LEF1: variants seen among roughly 807,000 people sequenced by gnomAD.
LEF1 encodes the protein lymphoid enhancer binding factor 1, also known as lymphoid enhancer-binding factor 1.
In LEF1, 14 loss-of-function variants were observed where a neutral mutation model predicts 51.2. The ratio of observed to expected loss-of-function variants is 0.27; its 90% CI spans 0.18 to 0.43. The LOEUF (loss-of-function observed/expected upper bound fraction) is 0.43. Among genes scored for constraint, LEF1 ranks in the 20% least tolerant of loss-of-function variants. LEF1 has a pLI of 1.00. For synonymous variants in LEF1, 185 were observed against 183.2 expected, an observed-to-expected ratio of 1.01 and a Z score of -0.08; for missense variants, 386 against 512.0, an observed-to-expected ratio of 0.75 and a Z score of 2.37.
chr4:108,088,926 T>A (rs1739826618), intron 4 of LEF1, among the ~76,000 whole-genome samples, 199 bp downstream of exon 4: 1 of 152,202 alleles, frequency 6.6e-6, no homozygotes, highest in African/African-American at 2.4e-5. Context: ...TTCTGCTTTT[T>A]AATAATGCAT....
chr4:108,073,276 T>C (rs1310988508), intron 8 of LEF1, among the ~76,000 whole-genome samples: 1 of 152,112 alleles, frequency 6.6e-6, no homozygotes, highest in African/African-American at 2.4e-5. Context: ...TCCCAGCTAC[T>C]CAGGAGGCTG....
At chr4:108,154,008 C>T (rs1223658432) in intron 3 of LEF1, among the ~76,000 whole-genome samples, 1 of 152,074 alleles carries the variant, frequency 6.6e-6, no homozygotes, top group South Asian at 2.1e-4. Context: ...AAAAAGTGAT[C>T]GTCTTTAACA....
At chr4:108,160,460 C>G (rs1043597320) in intron 3 of LEF1, among the ~76,000 whole-genome samples, 1 of 152,148 alleles carries the variant, frequency 6.6e-6, no homozygotes, top group Non-Finnish European at 1.5e-5. Flanking sequence ...CCTAAGAACT[C>G]ACGCTGACAC....
At chr4:108,117,920 A>T (rs901534370) in intron 3 of LEF1, among the ~76,000 whole-genome samples, 1 of 152,242 alleles carries the variant, frequency 6.6e-6, no homozygotes, top group Non-Finnish European at 1.5e-5. Flanking sequence ...ATAACTTAAT[A>T]TTAGCAGTGA....
chr4:108,145,817 G>C (rs752886532), intron 3 of LEF1, among the ~76,000 whole-genome samples: 3 of 152,176 alleles, frequency 2.0e-5, no homozygotes, highest in Non-Finnish European at 2.9e-5. Flanking sequence ...GTTAGTAGTT[G>C]CTTGGGCCTG....
intron 3 of LEF1, among the ~76,000 whole-genome samples, chr4:108,141,453 T>C (rs1743645571): frequency 6.6e-6 from 1 of 152,248 alleles, no homozygotes; most frequent in African/African-American, 2.4e-5. Flanking sequence ...TCCAGTGTTC[T>C]CTGCTCCCCG....
At chr4:108,061,506 G>A (rs1737691094) in intron 11 of LEF1, among the ~76,000 whole-genome samples, 1 of 152,102 alleles carries the variant, frequency 6.6e-6, no homozygotes, top group African/African-American at 2.4e-5. Context: ...ACAGATTTTG[G>A]TGCAAACAGA....
intron 9 of LEF1, among the ~76,000 whole-genome samples, chr4:108,068,254 C>T (rs1336610862): frequency 2.0e-5 from 3 of 151,818 alleles, no homozygotes; most frequent in Non-Finnish European, 2.9e-5. Context: ...GCAACAAGAG[C>T]GAATCTCTGT....
intron 3 of LEF1, among the ~76,000 whole-genome samples, chr4:108,094,173 G>A (rs953432849): frequency 2.0e-5 from 3 of 152,220 alleles, no homozygotes; most frequent in Non-Finnish European, 4.4e-5. Context: ...ACACCTGAGA[G>A]CATGTGACAT....
chr4:108,156,759 T>C (rs1744727457), intron 3 of LEF1, among the ~76,000 whole-genome samples: 1 of 151,906 alleles, frequency 6.6e-6, no homozygotes, highest in Non-Finnish European at 1.5e-5. Flanking sequence ...AAAAATATCT[T>C]AGTAAAAACG....
chr4:108,048,948 T>C (rs1348071536), intron 11 of LEF1, among the ~76,000 whole-genome samples, 197 bp from the exon 12 acceptor site: 1 of 152,228 alleles, frequency 6.6e-6, no homozygotes, highest in Non-Finnish European at 1.5e-5. Flanking sequence ...TATAGTGACA[T>C]TTTTACTTTG....
chr4:108,138,402 T>G (rs994222799), intron 3 of LEF1, among the ~76,000 whole-genome samples: 6 of 152,208 alleles, frequency 3.9e-5, no homozygotes, highest in African/African-American at 7.2e-5. Context: ...AAGTGAGCAT[T>G]ATAATGCTTT....
At chr4:108,058,848 C>T (rs1211673471) in intron 11 of LEF1, among the ~76,000 whole-genome samples, 4 of 152,160 alleles carry the variant, frequency 2.6e-5, no homozygotes, top group South Asian at 2.1e-4. Flanking sequence ...TAAATGTTTG[C>T]GTGGTGAGTA....
intron 4 of LEF1, among the ~76,000 whole-genome samples, chr4:108,086,274 C>T (rs1178361441): frequency 6.6e-6 from 1 of 151,860 alleles, no homozygotes; most frequent in African/African-American, 2.4e-5. Flanking sequence ...TTTTTTAGAG[C>T]TGAGGGGGTC....
intron 3 of LEF1, among the ~76,000 whole-genome samples, chr4:108,098,638 C>T (rs1236300353): frequency 2.6e-5 from 4 of 152,086 alleles, no homozygotes; most frequent in Non-Finnish European, 4.4e-5. Context: ...AATTTTGTCC[C>T]ACCGAGCCTT....
chr4:108,134,411 A>G (rs6533354), intron 3 of LEF1, among the ~76,000 whole-genome samples: 132,555 of 152,208 alleles, frequency 0.87, 58,278 homozygotes, highest in East Asian at 0.96. Context: ...GAGGGCTAGA[A>G]TAGGGCTCTA....
chr4:108,058,734 T>C (rs1375385794), intron 11 of LEF1, among the ~76,000 whole-genome samples: 1 of 152,220 alleles, frequency 6.6e-6, no homozygotes, highest in East Asian at 1.9e-4. Flanking sequence ...CCACTTAATA[T>C]GTCTATATCT....
In LEF1 at chr4:108,145,340, T is replaced by G. The variant is rs189205848; in HGVS notation, c.414+18228A>C. On this transcript the variant is annotated intron_variant, in intron 3 of 11. Transcript: ENST00000265165. Reference sequence around the variant, plus strand: ...AAGAGCTTGCATTAAAGCTAAAATCTGTAATGACACTGGACAAGACTTGTC... The same window carrying G: ...AAGAGCTTGCATTAAAGCTAAAATCGGTAATGACACTGGACAAGACTTGTC... Among the ~76,000 whole-genome samples the G allele has an allele frequency of 1.1e-4, 16 of 152,310 alleles. No homozygotes were observed. The East Asian group carries it at 2.9e-3, about 28-fold the overall frequency.
At chr4:108,076,771 G>A (rs949291999) in intron 8 of LEF1, among the ~76,000 whole-genome samples, 2 of 152,090 alleles carry the variant, frequency 1.3e-5, no homozygotes, top group African/African-American at 4.8e-5. Context: ...GAATGATAAT[G>A]GGGCTTTAGG....
Sources: allele counts gnomAD v4.1 joint callset (sites outside exome capture counted in the v4.1 genomes callset), GRCh38; gene constraint gnomAD v4.1.1; transcripts MANE v1.5; gene names NCBI Gene and HGNC (gene_info 2026-07-23, HGNC 2026-07-21).